Variants in CNTN5 observed in about 807,000 individuals in gnomAD.
The protein encoded by CNTN5 is contactin 5, also known as contactin-5.
Under a neutral mutation model 129.1 loss-of-function variants are expected in CNTN5, and 77 were observed. The ratio of observed to expected loss-of-function variants is 0.60; its 90% CI spans 0.50 to 0.72. CNTN5 has a LOEUF of 0.72. CNTN5 is among the 30% of genes least tolerant of loss of function. The pLI is 0.00. For synonymous variants in CNTN5, 509 were observed against 465.6 expected, an observed-to-expected ratio of 1.09 and a Z score of -1.20; for missense variants, 1,478 against 1,328.8, an observed-to-expected ratio of 1.11 and a Z score of -1.75.
intron 2 of CNTN5, among the ~76,000 whole-genome samples, chr11:99,378,046 T>G (rs1940297280): frequency 6.6e-6 from 1 of 152,168 alleles, no homozygotes; most frequent in Admixed American, 6.5e-5. Flanking sequence ...ATAATCAACC[T>G]AATTATATTA....
intron 16 of CNTN5, among the ~76,000 whole-genome samples, chr11:100,236,928 G>A (rs1455702541): frequency 2.0e-5 from 3 of 152,092 alleles, no homozygotes; most frequent in East Asian, 1.9e-4. Flanking sequence ...GGTGGCTCAC[G>A]CCTGTAATCC....
intron 3 of CNTN5, among the ~76,000 whole-genome samples, chr11:99,777,486 CAT>C (rs1177039700): frequency 1.3e-5 from 2 of 151,758 alleles, no homozygotes; most frequent in Non-Finnish European, 2.9e-5. Flanking sequence ...TCAAAAATAA[CAT>C]GTTTGGAATT....
intron 2 of CNTN5, among the ~76,000 whole-genome samples, chr11:99,399,796 G>A (rs1225393853): frequency 6.6e-6 from 1 of 151,616 alleles, no homozygotes; most frequent in East Asian, 1.9e-4. Context: ...ATTTGTTATT[G>A]TAAGCTTTGT....
intron 2 of CNTN5, among the ~76,000 whole-genome samples, chr11:99,384,905 C>T (rs193272932): frequency 6.6e-6 from 1 of 152,144 alleles, no homozygotes; most frequent in Admixed American, 6.5e-5. Context: ...AAAGTCTACC[C>T]CCCTAACACT....
At chr11:99,570,235 T>A (rs1345053302) in intron 3 of CNTN5, among the ~76,000 whole-genome samples, 1 of 152,140 alleles carries the variant, frequency 6.6e-6, no homozygotes, top group Non-Finnish European at 1.5e-5. Context: ...GTGCCGTTGC[T>A]GGCCCAAAGC....
rs66468227 is a variant in CNTN5 at position 100,127,651 on chromosome 11, CTTTT to C, written c.1580+53378_1580+53381del. On this transcript the variant is annotated intron_variant, in intron 13 of 24. Transcript: ENST00000524871. ...ACAGACTTTCTGACTTTCTTTCTTT[CTTTT>C]TTTTTTTTTTTTTTTTTTTTGAGAT... Among the ~76,000 whole-genome samples the C allele has an allele frequency of 2.8e-3, 230 of 81,274 alleles. 1 individual carries two copies. The highest frequency in any genetic ancestry group is 0.021 in the South Asian group (45 of 2,098). The allele number at this position is 81,274 out of a possible 152,430, so 53.3% of individuals were successfully genotyped here.
chr11:99,841,252 A>T (rs1947480169), intron 4 of CNTN5, among the ~76,000 whole-genome samples: 1 of 152,172 alleles, frequency 6.6e-6, no homozygotes, highest in Non-Finnish European at 1.5e-5. Flanking sequence ...GGCAGTAATA[A>T]TAAAATATAT....
intron 13 of CNTN5, among the ~76,000 whole-genome samples, chr11:100,171,371 A>G (rs1290647018): frequency 6.6e-6 from 1 of 152,056 alleles, no homozygotes; most frequent in African/African-American, 2.4e-5. Context: ...TATGCAGACA[A>G]CAGATTAAAA....
At chr11:99,429,521 G>A (rs1460094173) in intron 2 of CNTN5, among the ~76,000 whole-genome samples, 1 of 151,774 alleles carries the variant, frequency 6.6e-6, no homozygotes, top group Non-Finnish European at 1.5e-5. Flanking sequence ...CAGCAAAAGG[G>A]AGAGAGAGAG....
At chr11:99,185,397 G>T (rs1165610243) in intron 1 of CNTN5, among the ~76,000 whole-genome samples, 1 of 151,802 alleles carries the variant, frequency 6.6e-6, no homozygotes, top group East Asian at 1.9e-4. Flanking sequence ...AAGTAATCTC[G>T]ATTGGGTGAA....
intron 9 of CNTN5, among the ~76,000 whole-genome samples, chr11:100,032,474 C>T (rs1055194246): frequency 6.6e-6 from 1 of 151,780 alleles, no homozygotes; most frequent in African/African-American, 2.4e-5. Flanking sequence ...TATCTTCTTA[C>T]ATATATTTGT....
At chr11:99,431,543 A>G (rs1943370897) in intron 2 of CNTN5, among the ~76,000 whole-genome samples, 1 of 152,208 alleles carries the variant, frequency 6.6e-6, no homozygotes, top group African/African-American at 2.4e-5. Flanking sequence ...GGAAACTCCC[A>G]GATCTCAGCA....
At chr11:99,524,510 G>C (rs72993129) in intron 2 of CNTN5, among the ~76,000 whole-genome samples, 8,213 of 152,196 alleles carry the variant, frequency 0.054, 315 homozygotes, top group Non-Finnish European at 0.078. Context: ...GTGTGTCAAT[G>C]AAATATATTT....
chr11:100,356,068 C>T, intron 24 of CNTN5, 49 bp from the exon 25 acceptor site: 1 of 1,310,394 alleles, frequency 7.6e-7, no homozygotes, highest in Admixed American at 1.9e-5. Flanking sequence ...TGTCCTAGCT[C>T]AAGCAAAACC....
chr11:99,340,272 A>G (rs1456817859), intron 2 of CNTN5, among the ~76,000 whole-genome samples: 1 of 152,170 alleles, frequency 6.6e-6, no homozygotes, highest in East Asian at 1.9e-4. Context: ...AAGATGTAAA[A>G]TAGTTAGCAG....
intron 3 of CNTN5, among the ~76,000 whole-genome samples, chr11:99,587,977 T>C (rs117035791): frequency 0.039 from 5,969 of 152,228 alleles, 151 homozygotes; most frequent in South Asian, 0.085. Flanking sequence ...ACAAGAACCT[T>C]AGGAAAATAT....
At chr11:99,094,892 C>A (rs1866405083) in intron 1 of CNTN5, among the ~76,000 whole-genome samples, 1 of 151,836 alleles carries the variant, frequency 6.6e-6, no homozygotes, top group Non-Finnish European at 1.5e-5. Flanking sequence ...TAATATAATT[C>A]ATTTATTCAT....
chr11:100,044,845 GTAT>G (rs1025418604), intron 9 of CNTN5, among the ~76,000 whole-genome samples: 1 of 152,006 alleles, frequency 6.6e-6, no homozygotes, highest in Admixed American at 6.6e-5. Flanking sequence ...CCAGAGACCT[GTAT>G]TATACTATAC....
chr11:99,057,658 T>C (rs2135197783), intron 1 of CNTN5, among the ~76,000 whole-genome samples: 1 of 152,174 alleles, frequency 6.6e-6, no homozygotes, highest in South Asian at 2.1e-4. Flanking sequence ...TGCTAGGCAC[T>C]GTTCTCAGGG....
Sources: gnomAD v4.1 joint callset for allele counts (sites outside exome capture counted in the v4.1 genomes callset) on GRCh38, gnomAD v4.1.1 for gene constraint, MANE v1.5 for transcripts, NCBI Gene and HGNC (gene_info 2026-07-23, HGNC 2026-07-21) for gene names.